LIFR: variants seen among roughly 807,000 people sequenced by gnomAD.
LIFR encodes the protein leukemia inhibitory factor receptor.
Under a neutral mutation model 122.2 loss-of-function variants are expected in LIFR, and 84 were observed. That is an observed-to-expected ratio of 0.69 (90% CI 0.58 to 0.82). The LOEUF (loss-of-function observed/expected upper bound fraction) is 0.82, where lower values mean the gene tolerates loss of function less well. LIFR is among the 40% of genes least tolerant of loss of function. The pLI, the probability that LIFR is intolerant of heterozygous loss-of-function variation, is 0.00. For synonymous variants in LIFR, 422 were observed against 434.7 expected, an observed-to-expected ratio of 0.97 and a Z score of 0.36; for missense variants, 1,294 against 1,311.6, an observed-to-expected ratio of 0.99 and a Z score of 0.21.
intron 1 of LIFR, chr5:38,608,132 A>G (rs1168581212): frequency 6.6e-6 from 1 of 152,132 alleles, no homozygotes; most frequent in African/African-American, 2.4e-5. Context: ...AGAGAGAGAG[A>G]CAGAGAGTCA....
chr5:38,538,780 T>A (rs555971564), intron 1 of LIFR, among the ~76,000 whole-genome samples: 1 of 152,206 alleles, frequency 6.6e-6, no homozygotes, highest in Non-Finnish European at 1.5e-5. Context: ...CCATAGTGAG[T>A]TGCAAAGCTT....
intron 18 of LIFR, among the ~76,000 whole-genome samples, chr5:38,483,890 T>C (rs965434345): frequency 1.3e-5 from 2 of 152,198 alleles, no homozygotes; most frequent in Admixed American, 6.5e-5. Flanking sequence ...CGGTGAGGAC[T>C]GGTCTAAGCA....
chr5:38,601,775 T>A (rs1750226807), intron 2 of LIFR, among the ~76,000 whole-genome samples: 1 of 152,188 alleles, frequency 6.6e-6, no homozygotes, highest in African/African-American at 2.4e-5. Context: ...ATTTTTAGGC[T>A]GGCAACTCCC....
At chr5:38,528,969 C>T (rs1746855378) in intron 2 of LIFR, 129 bp from the exon 3 acceptor site, 2 of 653,174 alleles carry the variant, frequency 3.1e-6, no homozygotes, top group African/African-American at 3.7e-5. Flanking sequence ...TGTGTGTCTG[C>T]AGAGAGCCCA....
At chr5:38,483,248 C>T (rs1360699158) in intron 18 of LIFR, among the ~76,000 whole-genome samples, 1 of 152,182 alleles carries the variant, frequency 6.6e-6, no homozygotes, top group Admixed American at 6.5e-5. Flanking sequence ...ATGAGATTTG[C>T]TCAGTGTCCT....
At chr5:38,582,939 A>G (rs1045356239) in intron 1 of LIFR, among the ~76,000 whole-genome samples, 1 of 152,286 alleles carries the variant, frequency 6.6e-6, no homozygotes, top group Admixed American at 6.5e-5. Context: ...CCGTCCTCCA[A>G]CAGAGTTAAA....
chr5:38,565,447 T>C (rs1024498912), intron 1 of LIFR, among the ~76,000 whole-genome samples: 11 of 151,892 alleles, frequency 7.2e-5, no homozygotes, highest in African/African-American at 1.7e-4. Context: ...GACATAGCTA[T>C]TGGGGGAAGG....
intron 1 of LIFR, among the ~76,000 whole-genome samples, chr5:38,564,714 A>AAT (rs5867415): frequency 0.25 from 37,301 of 147,582 alleles, 5,070 homozygotes; most frequent in East Asian, 0.43. Context: ...ATATACACAC[A>AAT]ATATATATAT....
chr5:38,547,433 T>C (rs529970024), intron 1 of LIFR, among the ~76,000 whole-genome samples: 64 of 152,302 alleles, frequency 4.2e-4, no homozygotes, highest in African/African-American at 1.5e-3. Context: ...ATGTAACTTA[T>C]CCTACCATGA....
In LIFR at chr5:38,505,980, A is replaced by G. The variant is rs1234013501; in HGVS notation, c.1216T>C (p.Tyr406His). The change falls in exon 9 of 20, where the codon TAT becomes CAT. Residue 406 changes from tyrosine (Y) to histidine (H), a missense_variant. Tyr to His is a moderately conservative substitution (Grantham distance 83). Coordinates refer to ENST00000453190, the MANE Select transcript of LIFR (RefSeq NM_001127671.2). ...LFQMLPNQEI[Y>H]NFTLNAHNPL... ...TTGTGAGCATTCAAAGTAAAATTATATATTTCTTGATTTGGAAGCATTTGA... is the reference window on the plus strand; with the variant it reads ...TTGTGAGCATTCAAAGTAAAATTATGTATTTCTTGATTTGGAAGCATTTGA... The G allele has an allele frequency of 4.4e-6, 7 of 1,609,140 alleles. No homozygotes were observed. Among genetic ancestry groups the G allele is most frequent in the Non-Finnish European group, 5.9e-6 (7 of 1,176,544 alleles).
intron 5 of LIFR, among the ~76,000 whole-genome samples, chr5:38,518,940 T>C (rs1746252303): frequency 6.6e-6 from 1 of 152,220 alleles, no homozygotes; most frequent in Non-Finnish European, 1.5e-5. Flanking sequence ...GTTTTTGTCC[T>C]TGTTTTTAAC....
At chr5:38,514,448 ATT>A (rs936363355) in intron 5 of LIFR, among the ~76,000 whole-genome samples, 1 of 152,164 alleles carries the variant, frequency 6.6e-6, no homozygotes, top group African/African-American at 2.4e-5. Context: ...CAGAATAGAC[ATT>A]TTCATAAATG....
At chr5:38,607,513 A>ACTCTCTCTCT (rs60564000) in intron 1 of LIFR, 2 of 147,676 alleles carry the variant, frequency 1.4e-5, no homozygotes, top group African/African-American at 5.0e-5. Flanking sequence ...TCTCATATGC[A>ACTCTCTCTCT]CTCTCTCTCT....
chr5:38,607,116 A>G (rs975112073), intron 1 of LIFR, among the ~76,000 whole-genome samples: 3 of 152,250 alleles, frequency 2.0e-5, no homozygotes, highest in Admixed American at 2.0e-4. Context: ...AAATGAGATT[A>G]TACACTGTTT....
intron 7 of LIFR, among the ~76,000 whole-genome samples, chr5:38,508,753 A>G (rs1386145603): frequency 2.7e-5 from 2 of 73,758 alleles, no homozygotes; most frequent in South Asian, 3.7e-4. Context: ...ATTTTTTTGT[A>G]TTTTCTTTTT....
Position 38,511,809 on chromosome 5 carries a change from G to C in LIFR, c.717C>G (p.Ser239Arg). ...GCTTACAAGAAATGTTCTTCACAGG[G>C]CTCCAGTCACTCCACTCTTCGAGAC... Reference protein sequence around the residue: ...FSGLEEWSDWSPVKNISWIPD... With the variant: ...FSGLEEWSDWRPVKNISWIPD... The change falls in exon 6 of 20, where the codon AGC (serine) becomes AGG (arginine). Residue 239 changes from serine (S) to arginine (R), a missense_variant. By Grantham distance (110) the Ser-to-Arg change is moderately radical (BLOSUM62 -1). Coordinates refer to ENST00000453190, the MANE Select transcript of LIFR (RefSeq NM_001127671.2). The C allele has an allele frequency of 2.5e-6, 4 of 1,613,808 alleles. No homozygotes were observed. Among genetic ancestry groups the C allele is most frequent in the Non-Finnish European group, 3.4e-6 (4 of 1,179,800 alleles).
At chr5:38,552,546 C>T (rs1748260290) in intron 1 of LIFR, among the ~76,000 whole-genome samples, 1 of 152,174 alleles carries the variant, frequency 6.6e-6, no homozygotes, top group African/African-American at 2.4e-5. Context: ...CATCTTTGAA[C>T]TCTTACACTT....
chr5:38,602,679 C>G (rs1750244156), intron 2 of LIFR, among the ~76,000 whole-genome samples: 1 of 152,164 alleles, frequency 6.6e-6, no homozygotes, highest in African/African-American at 2.4e-5. Flanking sequence ...CACAATGCTT[C>G]TAAAACTGTA....
At chr5:38,504,247 C>A in intron 9 of LIFR, 126 bp from the exon 10 acceptor site, 2 of 671,782 alleles carry the variant, frequency 3.0e-6, no homozygotes, top group Non-Finnish European at 2.6e-6. Flanking sequence ...AACATCCTAC[C>A]CAGTATTTGT....
Sources: gnomAD v4.1 joint callset for allele counts (sites outside exome capture counted in the v4.1 genomes callset) on GRCh38, gnomAD v4.1.1 for gene constraint, MANE v1.5 for transcripts, NCBI Gene and HGNC (gene_info 2026-07-23, HGNC 2026-07-21) for gene names.